Variants in NAA35 observed in about 807,000 individuals in gnomAD.
NAA35 encodes the protein N-alpha-acetyltransferase 35, NatC auxiliary subunit.
Under a neutral mutation model 101.7 loss-of-function variants are expected in NAA35, and 18 were observed. That is an observed-to-expected ratio of 0.18 (90% CI 0.12 to 0.26). The LOEUF (loss-of-function observed/expected upper bound fraction) is 0.26, where lower values mean the gene tolerates loss of function less well. Ranked by LOEUF, NAA35 falls within the 10% of genes least tolerant of loss-of-function variation. The pLI is 1.00. For synonymous variants in NAA35, 267 were observed against 273.1 expected, an observed-to-expected ratio of 0.98 and a Z score of 0.22; for missense variants, 601 against 886.8, an observed-to-expected ratio of 0.68 and a Z score of 4.09.
intron 17 of NAA35, 115 bp downstream of exon 17, chr9:86,014,012 A>G: frequency 1.2e-6 from 1 of 862,884 alleles, no homozygotes; most frequent in Non-Finnish European, 1.7e-6. Context: ...TAGTTGTGGG[A>G]CAGTTGGAAA....
chr9:85,989,660 A>G (rs750813631), intron 11 of NAA35, among the ~76,000 whole-genome samples: 1 of 152,230 alleles, frequency 6.6e-6, no homozygotes, highest in Non-Finnish European at 1.5e-5. Flanking sequence ...AATGAAATTC[A>G]GCCTACTGAG....
Position 86,025,194 on chromosome 9 carries a change from A to G in NAA35, c.*3234A>G, listed in dbSNP as rs866947952. On this transcript the variant is annotated 3_prime_UTR_variant, in exon 23 of 23. Transcript: ENST00000361671. ...GGGCACTGGAAAAAGCCTGCAAAGG[A>G]GACTTATCAGGAAAATAAGCAGAAT... Among the ~76,000 whole-genome samples, 121 of 152,210 alleles carry G rather than the reference A, an allele frequency of 7.9e-4. 1 individual carries two copies. The highest frequency in any genetic ancestry group is 2.8e-3 in the African/African-American group (116 of 41,464).
Position 86,018,404 on chromosome 9 carries a change from G to A in NAA35, c.1914+9G>A, listed in dbSNP as rs1282434877. ...ACTACTTACAGTTCAAGGTGAACCT[G>A]CTCAATGAACTTGTTATGAAATCTT... is the stretch of plus-strand genomic sequence containing the variant. On this transcript the variant is annotated intron_variant, in intron 20 of 22. Coordinates refer to ENST00000361671, the MANE Select transcript of NAA35 (RefSeq NM_024635.4). The A allele has an allele frequency of 3.7e-6, 6 of 1,603,040 alleles. No homozygotes were observed. The highest frequency in any genetic ancestry group is 1.3e-5 in the African/African-American group (1 of 74,666).
chr9:86,005,002 A>C (rs146222329), intron 13 of NAA35, among the ~76,000 whole-genome samples: 8 of 152,214 alleles, frequency 5.3e-5, no homozygotes, highest in African/African-American at 1.9e-4. Context: ...AATTTACTCT[A>C]TCAAAACCAA....
intron 6 of NAA35, among the ~76,000 whole-genome samples, chr9:85,965,198 A>G (rs1829693021): frequency 6.6e-6 from 1 of 152,220 alleles, no homozygotes; most frequent in Non-Finnish European, 1.5e-5. Flanking sequence ...ACTCTATCCT[A>G]CAAATGTATT....
intron 11 of NAA35, among the ~76,000 whole-genome samples, chr9:85,984,802 C>T (rs1384979088): frequency 6.6e-6 from 1 of 152,156 alleles, no homozygotes; most frequent in African/African-American, 2.4e-5. Context: ...GATGCTAAGA[C>T]AACTGGATAT....
chr9:86,020,733 A>C (rs1321347035), intron 21 of NAA35, among the ~76,000 whole-genome samples, 156 bp from the exon 22 acceptor site: 1 of 152,146 alleles, frequency 6.6e-6, no homozygotes, highest in East Asian at 1.9e-4. Context: ...TGGGAGGCTG[A>C]AGTAGGAGGA....
chr9:86,021,751 CTTTT>C, intron 22 of NAA35, 146 bp from the exon 23 acceptor site: 1 of 641,254 alleles, frequency 1.6e-6, no homozygotes, highest in East Asian at 3.1e-5. Context: ...TAGTTCCTAC[CTTTT>C]TTGTCATTAA....
intron 2 of NAA35, among the ~76,000 whole-genome samples, chr9:85,947,361 TGA>T (rs1189745175): frequency 6.6e-6 from 1 of 152,054 alleles, no homozygotes; most frequent in Non-Finnish European, 1.5e-5. Context: ...CTGTGTGGGG[TGA>T]GAGTCATTGT....
At chr9:85,951,705 G>A (rs1436525353) in intron 2 of NAA35, among the ~76,000 whole-genome samples, 1 of 152,168 alleles carries the variant, frequency 6.6e-6, no homozygotes, top group African/African-American at 2.4e-5. Context: ...ACCCAGTCTG[G>A]AGTCCAGTGG....
chr9:85,993,210 T>A (rs912613935), intron 11 of NAA35, among the ~76,000 whole-genome samples: 1 of 152,230 alleles, frequency 6.6e-6, no homozygotes, highest in Non-Finnish European at 1.5e-5. Flanking sequence ...TTTCACTCTG[T>A]CACCCAGACT....
chr9:85,974,981 A>G lies in NAA35; in HGVS notation c.531A>G (p.Ser177=). 6.2e-7 allele frequency: 1 copy of G among 1,612,012 alleles called. No homozygotes were observed. The highest frequency in any genetic ancestry group is 8.5e-7 in the Non-Finnish European group (1 of 1,178,886). The change falls in exon 7 of 23, where the codon TCA becomes TCG. Residue 177 remains serine (S), a synonymous_variant. Transcript: ENST00000361671. ...TTTTTGTATAGGAAGATTTTCAGTC[A>G]ATGACTTATGGATTTAAAATGGCTA... The part of the protein sequence containing the change: ...AAVFEEEDFQ[S]MTYGFKMANS...
At chr9:85,978,066 C>T (rs1830288503) in intron 10 of NAA35, among the ~76,000 whole-genome samples, 1 of 151,202 alleles carries the variant, frequency 6.6e-6, no homozygotes, top group African/African-American at 2.4e-5. Context: ...TTAATTGATC[C>T]TACAAGTTAT....
At chr9:85,946,399 C>T (rs1027191493) in intron 2 of NAA35, among the ~76,000 whole-genome samples, 1 of 152,142 alleles carries the variant, frequency 6.6e-6, no homozygotes, top group Non-Finnish European at 1.5e-5. Flanking sequence ...TAGGCTTTAT[C>T]CACACTATGG....
chr9:85,953,277 A>G (rs1040272600), intron 2 of NAA35, among the ~76,000 whole-genome samples: 1 of 136,590 alleles, frequency 7.3e-6, no homozygotes, highest in Non-Finnish European at 1.6e-5. Context: ...CTTCAGTGGT[A>G]TTTAATACAT....
chr9:85,967,976 T>C (rs1829837338), intron 6 of NAA35, among the ~76,000 whole-genome samples: 1 of 152,120 alleles, frequency 6.6e-6, no homozygotes, highest in Non-Finnish European at 1.5e-5. Flanking sequence ...AAACTACTTT[T>C]CTTTTGGCAT....
intron 11 of NAA35, among the ~76,000 whole-genome samples, chr9:85,991,056 A>G (rs1209978356): frequency 6.6e-6 from 1 of 152,164 alleles, no homozygotes; most frequent in East Asian, 1.9e-4. Flanking sequence ...ACAGGAGTGT[A>G]GCTGAGCTTG....
At chr9:85,965,668 TA>T (rs901749574) in intron 6 of NAA35, among the ~76,000 whole-genome samples, 20 of 151,390 alleles carry the variant, frequency 1.3e-4, no homozygotes, top group African/African-American at 2.9e-4. Flanking sequence ...GGAGGTCAAT[TA>T]AAAAAAAATT....
intron 6 of NAA35, among the ~76,000 whole-genome samples, chr9:85,966,352 TAAAGATAC>T (rs1829742773): frequency 6.6e-6 from 1 of 151,994 alleles, no homozygotes; most frequent in African/African-American, 2.4e-5. Context: ...TTAGGAAAAA[TAAAGATAC>T]AAAGATAAGA....
Sources: gnomAD v4.1 joint callset for allele counts (sites outside exome capture counted in the v4.1 genomes callset) on GRCh38, gnomAD v4.1.1 for gene constraint, MANE v1.5 for transcripts, NCBI Gene and HGNC (gene_info 2026-07-23, HGNC 2026-07-21) for gene names.